PCM1: variants seen among roughly 807,000 people sequenced by gnomAD.
PCM1 encodes the protein pericentriolar material 1, also known as pericentriolar material 1 protein.
Under a neutral mutation model 241.9 loss-of-function variants are expected in PCM1, and 157 were observed. That is an observed-to-expected ratio of 0.65 (90% CI 0.57 to 0.74). The LOEUF is 0.74. PCM1 is among the 30% of genes least tolerant of loss of function. The pLI is 0.00. For missense variants in PCM1, 3,478 were observed against 2,360.1 expected, an observed-to-expected ratio of 1.47 and a Z score of -9.81; for synonymous variants, 1,085 against 784.9, an observed-to-expected ratio of 1.38 and a Z score of -6.39.
At chr8:18,018,229 TC>T (rs2093412137) in intron 36 of PCM1, among the ~76,000 whole-genome samples, 1 of 152,176 alleles carries the variant, frequency 6.6e-6, no homozygotes, top group Non-Finnish European at 1.5e-5. Flanking sequence ...TTTTAGAGCT[TC>T]CTGACCCTTC....
Position 17,962,029 on chromosome 8 carries a change from T to C in PCM1, c.2323-5T>C. 6.2e-7 allele frequency: 1 copy of C among 1,604,096 alleles called. No individual in the cohort carries two copies. Among genetic ancestry groups the C allele is most frequent in the Non-Finnish European group, 8.5e-7 (1 of 1,175,180 alleles). On this transcript the variant is annotated splice_region_variant and splice_polypyrimidine_tract_variant and intron_variant, in intron 15 of 38. Coordinates refer to ENST00000325083, the MANE Select transcript of PCM1 (RefSeq NM_006197.4). ...TCATAACGTTTTTTGTGAATTCCTT[T>C]TTAGCTGTCAGCTGCTAGTGTGGGT...
intron 36 of PCM1, among the ~76,000 whole-genome samples, chr8:18,020,358 A>C (rs1258531920): frequency 6.6e-6 from 1 of 152,210 alleles, no homozygotes; most frequent in Non-Finnish European, 1.5e-5. Flanking sequence ...GTTACCTACA[A>C]GTTACACGTG....
At chr8:18,006,128 C>A in intron 29 of PCM1, 135 bp from the exon 30 acceptor site, 2 of 717,808 alleles carry the variant, frequency 2.8e-6, no homozygotes, top group East Asian at 2.8e-5. Context: ...ATGGATATTT[C>A]TAAACAGACA....
At chr8:17,927,084 T>A (rs1168461451) in intron 2 of PCM1, 1 of 151,990 alleles carries the variant, frequency 6.6e-6, no homozygotes, top group East Asian at 1.9e-4. Flanking sequence ...TTTAATGCCA[T>A]TTGAGAAAAA....
At chr8:17,989,556 A>G (rs895488873) in intron 26 of PCM1, among the ~76,000 whole-genome samples, 3 of 152,084 alleles carry the variant, frequency 2.0e-5, no homozygotes, top group South Asian at 2.1e-4. Flanking sequence ...CCCTGAGAGT[A>G]TAGAAATAAT....
In PCM1 at chr8:17,960,141, A is replaced by C. The variant is rs150814716; in HGVS notation, c.2168A>C (p.Asp723Ala). ...TRGNANKTQKDTGVNEKAREK... is the reference protein window; with the variant it reads ...TRGNANKTQKATGVNEKAREK... ...GGAAATGCCAATAAAACACAGAAAG[A>C]TACTGGAGTAAATGAAAAGGCAAGG... is the stretch of plus-strand genomic sequence containing the variant. The change falls in exon 14 of 39, where the codon GAT becomes GCT. Residue 723 changes from aspartate (D) to alanine (A), a missense_variant. Coordinates refer to ENST00000325083, the MANE Select transcript of PCM1 (RefSeq NM_006197.4). The C allele has an allele frequency of 3.9e-4, 611 of 1,582,022 alleles. No individual in the cohort carries two copies. In the African/African-American group the frequency reaches 7.0e-3, roughly 18 times the overall value.
At position 17,947,202 on chromosome 8, in the gene PCM1, A is replaced by C. The variant is rs762077395; in HGVS notation, c.800A>C (p.Gln267Pro). ...ATTTTCCAGGCCAGAGATCCTCAGC[A>C]GGAGCCTATGGAAGAGATAGAAAAT... ...LKKILARDPQ[Q>P]EPMEEIENLK... is the part of the protein sequence containing the mutation. The change falls in exon 7 of 39, where the codon CAG becomes CCG. Residue 267 changes from glutamine (Q) to proline (P), a missense_variant. By Grantham distance (76) the Gln-to-Pro change is moderately conservative. Transcript: ENST00000325083. 1.2e-6 allele frequency: 2 copies of C among 1,604,126 alleles called. No homozygotes were observed. Among genetic ancestry groups the C allele is most frequent in the African/African-American group, 2.7e-5 (2 of 74,476 alleles).
At chr8:17,967,776 A>G (rs573703638) in intron 21 of PCM1, among the ~76,000 whole-genome samples, 1 of 152,350 alleles carries the variant, frequency 6.6e-6, no homozygotes, top group South Asian at 2.1e-4. Flanking sequence ...GATGAATAAG[A>G]CAGTGCTCTC....
chr8:17,994,909 CTT>C (rs200940850), intron 29 of PCM1, among the ~76,000 whole-genome samples: 1 of 151,346 alleles, frequency 6.6e-6, no homozygotes, highest in African/African-American at 2.5e-5. Flanking sequence ...AGTTTGAACT[CTT>C]TATATATGCT....
chr8:18,008,471 G>A (rs1031416985), intron 30 of PCM1, among the ~76,000 whole-genome samples: 1 of 152,094 alleles, frequency 6.6e-6, no homozygotes, highest in Non-Finnish European at 1.5e-5. Flanking sequence ...GTCAGTCAAT[G>A]TAATGTGCTT....
chr8:17,979,230 G>T (rs910904109), intron 23 of PCM1, among the ~76,000 whole-genome samples: 1 of 151,932 alleles, frequency 6.6e-6, no homozygotes, highest in South Asian at 2.1e-4. Context: ...TTCTATCTCA[G>T]TTAGGAACTA....
chr8:17,945,457 G>A (rs191581310), intron 6 of PCM1, among the ~76,000 whole-genome samples: 92 of 152,292 alleles, frequency 6.0e-4, no homozygotes, highest in Non-Finnish European at 4.0e-4. Context: ...CTAGGATAGA[G>A]AGGCACTGAC....
At chr8:18,006,446 G>T in intron 30 of PCM1, 49 bp downstream of exon 30, 1 of 1,358,242 alleles carries the variant, frequency 7.4e-7, no homozygotes. Context: ...GTGTGGTAAG[G>T]TTTTTTTTCG....
chr8:17,951,167 G>C (rs1044235927), intron 8 of PCM1, among the ~76,000 whole-genome samples: 2 of 152,172 alleles, frequency 1.3e-5, no homozygotes, highest in African/African-American at 4.8e-5. Context: ...TTTTAAGAAA[G>C]TTCTTAATTT....
Position 17,941,247 on chromosome 8 carries a change from A to G in PCM1, c.783+1386A>G, listed in dbSNP as rs116635649. Among the ~76,000 whole-genome samples the G allele has an allele frequency of 5.9e-3, 901 of 152,258 alleles. 6 individuals are homozygous for G. The highest frequency in any genetic ancestry group is 0.021 in the African/African-American group (863 of 41,548). ...GGGTTAGGACGATGTGGGTAAAGGAATTCTGTTGGGGAGGAGTGGGAACTT... is the reference window on the plus strand; with the variant it reads ...GGGTTAGGACGATGTGGGTAAAGGAGTTCTGTTGGGGAGGAGTGGGAACTT... On this transcript the variant is annotated intron_variant, in intron 6 of 38. Coordinates refer to ENST00000325083, the MANE Select transcript of PCM1 (RefSeq NM_006197.4).
intron 9 of PCM1, among the ~76,000 whole-genome samples, chr8:17,955,195 T>G (rs1460185385): frequency 6.6e-6 from 1 of 152,178 alleles, no homozygotes; most frequent in Non-Finnish European, 1.5e-5. Context: ...ATTATTCTTG[T>G]CAATTTCCAT....
intron 24 of PCM1, among the ~76,000 whole-genome samples, chr8:17,981,767 C>A (rs997572809): frequency 1.3e-5 from 2 of 151,828 alleles, no homozygotes; most frequent in Non-Finnish European, 2.9e-5. Context: ...AAAGAGGGAA[C>A]TTTTTTTTGT....
At position 17,966,120 on chromosome 8, in the gene PCM1, G is replaced by A. The variant is rs764474551; in HGVS notation, c.2977G>A (p.Val993Ile). Residue 993 changes from valine (V) to isoleucine (I), a missense_variant, in exon 19 of 39, where the codon GTA becomes ATA. Coordinates refer to ENST00000325083, the MANE Select transcript of PCM1 (RefSeq NM_006197.4). ...NLRWVSELSYVEEKEQWQEQI... is the reference protein window; with the variant it reads ...NLRWVSELSYIEEKEQWQEQI... ...TCGTTGGGTGTCAGAGCTCTCTTAC[G>A]TAGAAGAGAAAGAACAATGGCAAGA... 57 of 1,612,428 alleles carry A rather than the reference G, an allele frequency of 3.5e-5. No homozygotes were observed. The highest frequency in any genetic ancestry group is 4.4e-5 in the Non-Finnish European group (52 of 1,178,614).
intron 19 of PCM1, 50 bp from the exon 20 acceptor site, chr8:17,966,278 A>G (rs1391945489): frequency 1.2e-6 from 2 of 1,608,166 alleles, no homozygotes; most frequent in Non-Finnish European, 1.7e-6. Flanking sequence ...AAGCAATACA[A>G]ATTTTTCTCA....
Sources: gnomAD v4.1 joint callset for allele counts (sites outside exome capture counted in the v4.1 genomes callset) on GRCh38, gnomAD v4.1.1 for gene constraint, MANE v1.5 for transcripts, NCBI Gene and HGNC (gene_info 2026-07-23, HGNC 2026-07-21) for gene names.